Variants in IL1RAPL2 observed in about 807,000 individuals in gnomAD.
The protein encoded by IL1RAPL2 is interleukin 1 receptor accessory protein like 2, also known as X-linked interleukin-1 receptor accessory protein-like 2.
In IL1RAPL2, 3 loss-of-function variants were observed where a neutral mutation model predicts 44.1. The ratio of observed to expected loss-of-function variants is 0.07; its 90% CI spans 0.03 to 0.18. IL1RAPL2 has a LOEUF of 0.18. Ranked by LOEUF, IL1RAPL2 falls within the 10% of genes least tolerant of loss-of-function variation. The pLI, the probability that IL1RAPL2 is intolerant of heterozygous loss-of-function variation, is 1.00. For missense variants in IL1RAPL2, 391 were observed against 496.4 expected (o/e 0.79, Z 2.02); for synonymous variants, 181 against 178.8 (o/e 1.01, Z -0.10).
intron 6 of IL1RAPL2, among the ~76,000 whole-genome samples, chrX:105,601,016 G>T (rs1602484532): frequency 9.0e-6 from 1 of 111,378 alleles, no homozygotes; most frequent in African/African-American, 3.3e-5. Context: ...TTGAGAATGG[G>T]CATCTTTTTA....
intron 2 of IL1RAPL2, among the ~76,000 whole-genome samples, chrX:104,940,701 C>CT (rs753423561): frequency 3.5e-4 from 36 of 101,512 alleles, no homozygotes; most frequent in South Asian, 8.6e-4. Flanking sequence ...ATTCTCACTT[C>CT]TTTTTTTTTT....
chrX:104,705,681 G>A (rs1236312562), intron 2 of IL1RAPL2, among the ~76,000 whole-genome samples: 1 of 111,301 alleles, frequency 9.0e-6, no homozygotes, highest in Non-Finnish European at 1.9e-5. Context: ...AAAATGAAAC[G>A]TTTTAGTCAG....
At chrX:105,638,933 G>A (rs900551398) in intron 6 of IL1RAPL2, among the ~76,000 whole-genome samples, 2 of 111,754 alleles carry the variant, frequency 1.8e-5, no homozygotes, top group African/African-American at 6.5e-5. Context: ...AGTGGAAAAA[G>A]AATAGAGAAA....
chrX:105,600,690 A>T (rs867203496), intron 6 of IL1RAPL2, among the ~76,000 whole-genome samples: 39 of 105,340 alleles, frequency 3.7e-4, no homozygotes, highest in African/African-American at 1.4e-3. Flanking sequence ...AGAATATTTA[A>T]TTAATTTAAT....
intron 2 of IL1RAPL2, among the ~76,000 whole-genome samples, chrX:105,075,245 G>T (rs2032275815): frequency 8.9e-6 from 1 of 111,761 alleles, no homozygotes; most frequent in Non-Finnish European, 1.9e-5. Flanking sequence ...AGAGTTTTTA[G>T]CATGAAGGGT....
At chrX:104,724,793 A>G (rs1931756162) in intron 2 of IL1RAPL2, among the ~76,000 whole-genome samples, 1 of 111,201 alleles carries the variant, frequency 9.0e-6, no homozygotes, top group African/African-American at 3.3e-5. Context: ...TCTTTTTCCC[A>G]CTGTATGTTT....
At chrX:104,596,210 A>T (rs956030034) in intron 1 of IL1RAPL2, among the ~76,000 whole-genome samples, 1 of 111,846 alleles carries the variant, frequency 8.9e-6, no homozygotes, top group Non-Finnish European at 1.9e-5. Flanking sequence ...ATAGGTGAAC[A>T]TAAATAGTAT....
rs782459107 is a variant in IL1RAPL2, at chrX:105,220,226, C to T, written c.357-13592C>T. ...GCCTCTTTGACCTCACTGGGCACCT[C>T]GCTGTCCTCCAGTATGGCCCTCAGC... On this transcript the variant is annotated intron_variant, in intron 3 of 10. Transcript: ENST00000372582. 42 of 1,210,042 alleles carry T rather than the reference C, an allele frequency of 3.5e-5. No homozygotes were observed. Among genetic ancestry groups the T allele is most frequent in the Admixed American group, 4.4e-5 (2 of 45,860 alleles).
chrX:105,099,005 T>C (rs1487575440), intron 2 of IL1RAPL2, among the ~76,000 whole-genome samples: 1 of 112,356 alleles, frequency 8.9e-6, no homozygotes, highest in African/African-American at 3.2e-5. Flanking sequence ...CTGTGCATTG[T>C]TTTCAGTTTT....
chrX:104,879,826 T>C (rs1356766486), intron 2 of IL1RAPL2, among the ~76,000 whole-genome samples: 1 of 111,416 alleles, frequency 9.0e-6, no homozygotes, highest in Non-Finnish European at 1.9e-5. Flanking sequence ...TTTGTTTGGG[T>C]CCTTTTCAGT....
At chrX:105,722,729 T>C (rs1157284243) in intron 7 of IL1RAPL2, among the ~76,000 whole-genome samples, 1 of 111,424 alleles carries the variant, frequency 9.0e-6, no homozygotes, top group Non-Finnish European at 1.9e-5. Flanking sequence ...TGTTAAAAAA[T>C]ACCTTAGACT....
intron 5 of IL1RAPL2, among the ~76,000 whole-genome samples, chrX:105,447,106 T>TATATATATATAA (rs1466812826): frequency 6.0e-5 from 2 of 33,207 alleles, no homozygotes; most frequent in East Asian, 7.4e-4. Context: ...TATATATATA[T>TATATATATATAA]AAAAATATAT....
intron 9 of IL1RAPL2, among the ~76,000 whole-genome samples, chrX:105,754,222 C>A (rs1186950068): frequency 3.6e-5 from 4 of 112,172 alleles, no homozygotes; most frequent in African/African-American, 1.3e-4. Flanking sequence ...ACTACATTAA[C>A]TTAAAAAAAT....
At chrX:105,686,077 C>A (rs1168641356) in intron 6 of IL1RAPL2, among the ~76,000 whole-genome samples, 2 of 110,993 alleles carry the variant, frequency 1.8e-5, no homozygotes, top group Non-Finnish European at 3.8e-5. Context: ...AAGAAGCAAC[C>A]AGTACCAGAC....
intron 6 of IL1RAPL2, among the ~76,000 whole-genome samples, chrX:105,567,252 T>C (rs950447658): frequency 1.8e-5 from 2 of 111,089 alleles, no homozygotes; most frequent in Non-Finnish European, 3.8e-5. Context: ...TCAAACAGTT[T>C]ACTAAGCATG....
intron 2 of IL1RAPL2, among the ~76,000 whole-genome samples, chrX:104,799,807 T>A (rs2147612598): frequency 9.0e-6 from 1 of 111,571 alleles, no homozygotes; most frequent in East Asian, 2.8e-4. Context: ...CTCACCAACT[T>A]ATCATTTTTT....
intron 1 of IL1RAPL2, among the ~76,000 whole-genome samples, chrX:104,633,194 C>T (rs1216836117): frequency 9.0e-6 from 1 of 111,723 alleles, no homozygotes; most frequent in African/African-American, 3.3e-5. Context: ...ATGAAGTCCA[C>T]TTGATCATGG....
At chrX:105,034,152 C>A (rs1279487144) in intron 2 of IL1RAPL2, among the ~76,000 whole-genome samples, 1 of 111,322 alleles carries the variant, frequency 9.0e-6, no homozygotes, top group Admixed American at 9.6e-5. Context: ...TTTTTAACTT[C>A]TTTGCCATTG....
chrX:105,528,631 A>AT (rs1251681753), intron 6 of IL1RAPL2, among the ~76,000 whole-genome samples: 3 of 111,608 alleles, frequency 2.7e-5, no homozygotes, highest in Non-Finnish European at 5.7e-5. Context: ...CTATGTCTAC[A>AT]TACACGGGTA....
Sources: allele counts gnomAD v4.1 joint callset (sites outside exome capture counted in the v4.1 genomes callset), GRCh38; gene constraint gnomAD v4.1.1; transcripts MANE v1.5; gene names NCBI Gene and HGNC (gene_info 2026-07-23, HGNC 2026-07-21).